ZFHX4: variants seen among roughly 807,000 people sequenced by gnomAD.
ZFHX4 encodes zinc finger homeobox protein 4.
Under a neutral mutation model 267.6 loss-of-function variants are expected in ZFHX4, and 56 were observed. That is an observed-to-expected ratio of 0.21 (90% CI 0.17 to 0.26). ZFHX4 has a LOEUF of 0.26. Ranked by LOEUF, ZFHX4 falls within the 10% of genes least tolerant of loss-of-function variation. The pLI, the probability that ZFHX4 is intolerant of heterozygous loss-of-function variation, is 1.00. For missense variants in ZFHX4, 4,332 were observed against 4,420.0 expected (o/e 0.98, Z 0.56); for synonymous variants, 1,778 against 1,665.6 (o/e 1.07, Z -1.64).
intron 4 of ZFHX4, among the ~76,000 whole-genome samples, chr8:76,815,481 C>T (rs1811481555): frequency 6.6e-6 from 1 of 151,980 alleles, no homozygotes; most frequent in African/African-American, 2.4e-5. Flanking sequence ...TTAGCTATCA[C>T]TCTGCATTTT....
intron 1 of ZFHX4, among the ~76,000 whole-genome samples, chr8:76,698,921 G>T (rs1808029140): frequency 6.6e-6 from 1 of 152,104 alleles, no homozygotes; most frequent in African/African-American, 2.4e-5. Context: ...ATTCCTTCTT[G>T]CAGAAGCATT....
At position 76,719,149 on chromosome 8, in the gene ZFHX4, CATGTGT is replaced by C. The variant is rs1262936612; in HGVS notation, c.3093+11102_3093+11107del. 1.1e-4 allele frequency among the ~76,000 whole-genome samples: 12 copies of C among 112,184 alleles called. 1 individual carries two copies. The South Asian group carries it at 2.3e-3, about 22-fold the overall frequency. 73.6% of individuals were successfully genotyped at this position (112,184 alleles called of 152,430 possible). On this transcript the variant is annotated intron_variant, in intron 3 of 10. Coordinates refer to ENST00000651372, the MANE Select transcript of ZFHX4 (RefSeq NM_024721.5). ...GTCCAAACTTCCTTGGGATGAATTG[CATGTGT>C]GTGTGTGTGTGTGTGTGTGTGTGTG... is the stretch of plus-strand genomic sequence containing the variant.
chr8:76,743,622 G>T (rs1809379445), intron 3 of ZFHX4, among the ~76,000 whole-genome samples: 1 of 152,154 alleles, frequency 6.6e-6, no homozygotes, highest in Non-Finnish European at 1.5e-5. Flanking sequence ...TAACTGTTTA[G>T]CTAGAACATT....
At chr8:76,815,752 T>C (rs1811489261) in intron 4 of ZFHX4, among the ~76,000 whole-genome samples, 1 of 152,160 alleles carries the variant, frequency 6.6e-6, no homozygotes, top group Non-Finnish European at 1.5e-5. Flanking sequence ...TCTCCCGCCT[T>C]GGTCTCCCAA....
At position 76,849,624 on chromosome 8, in the gene ZFHX4, A is replaced by T; in HGVS notation, c.3758A>T (p.Asp1253Val). Reference protein sequence around the residue: ...QPVICCPLCQDVLSNKMHLQL... With the variant: ...QPVICCPLCQVVLSNKMHLQL... ...GTCATCTGCTGTCCTCTCTGTCAGG[A>T]CGTCCTCAGCAACAAAATGCATCTC... The change falls in exon 8 of 11, where the codon GAC becomes GTC. Residue 1253 changes from aspartate to valine, a missense_variant. Asp to Val is a radical substitution (Grantham distance 152). Around this residue, in one of 7 missense-constraint regions of ZFHX4, gnomAD observed 1,371 missense variants for 1,423.1 expected, o/e 0.96. Coordinates refer to ENST00000651372, the MANE Select transcript of ZFHX4 (RefSeq NM_024721.5). The T allele has an allele frequency of 6.2e-7, 1 of 1,613,948 alleles. No homozygotes were observed. The highest frequency in any genetic ancestry group is 8.5e-7 in the Non-Finnish European group (1 of 1,179,862).
At chr8:76,683,635 A>AGAGAGAGGGGGGGAGAGAGG (rs1178985887) in intron 1 of ZFHX4, 1 of 138,288 alleles carries the variant, frequency 7.2e-6, no homozygotes, top group Non-Finnish European at 1.5e-5. Flanking sequence ...AGAGAGGAAG[A>AGAGAGAGGGGGGGAGAGAGG]GAGAGAGGGG....
chr8:76,842,072 T>G (rs888015525), intron 5 of ZFHX4, among the ~76,000 whole-genome samples: 1 of 152,048 alleles, frequency 6.6e-6, no homozygotes, highest in Non-Finnish European at 1.5e-5. Flanking sequence ...GTCATAGAAG[T>G]ATACCTTGTT....
At chr8:76,745,142 A>C (rs1480143738) in intron 3 of ZFHX4, among the ~76,000 whole-genome samples, 1 of 152,132 alleles carries the variant, frequency 6.6e-6, no homozygotes, top group Non-Finnish European at 1.5e-5. Context: ...CGGTTTAAAA[A>C]TCAGCTCTGC....
At chr8:76,781,773 G>T (rs1181689620) in intron 4 of ZFHX4, among the ~76,000 whole-genome samples, 1 of 152,034 alleles carries the variant, frequency 6.6e-6, no homozygotes, top group Admixed American at 6.6e-5. Context: ...CATCTGTTAA[G>T]TAAAGAGAGA....
At chr8:76,692,025 C>G (rs1807838633) in intron 1 of ZFHX4, among the ~76,000 whole-genome samples, 1 of 152,088 alleles carries the variant, frequency 6.6e-6, no homozygotes, top group South Asian at 2.1e-4. Flanking sequence ...TGACAGGTAC[C>G]TAAATGGCAT....
intron 3 of ZFHX4, among the ~76,000 whole-genome samples, chr8:76,740,726 T>G (rs1207625742): frequency 6.6e-6 from 1 of 152,112 alleles, no homozygotes; most frequent in Non-Finnish European, 1.5e-5. Flanking sequence ...TTTAAACACA[T>G]GACAACTGAG....
In ZFHX4 at chr8:76,864,379, C is replaced by T; in HGVS notation, c.10665C>T (p.Thr3555=). 6.2e-7 allele frequency: 1 copy of T among 1,613,818 alleles called. No individual in the cohort carries two copies. Among genetic ancestry groups the T allele is most frequent in the Non-Finnish European group, 8.5e-7 (1 of 1,179,872 alleles). The change falls in exon 11 of 11, where the codon ACC becomes ACT. Residue 3555 remains threonine, a synonymous_variant. Coordinates refer to ENST00000651372, the MANE Select transcript of ZFHX4 (RefSeq NM_024721.5). The part of the protein sequence containing the change: ...PPSLSLPSTV[T]SSLCSTSGVQ... ...CCCTTTCCTTGCCTTCAACGGTTAC[C>T]TCAAGTTTGTGCAGCACCTCAGGGG...
chr8:76,687,521 C>T (rs1643844683), intron 1 of ZFHX4, among the ~76,000 whole-genome samples: 1 of 152,198 alleles, frequency 6.6e-6, no homozygotes, highest in African/African-American at 2.4e-5. Context: ...GAGTGAGTCT[C>T]ATTCTTTTTG....
At chr8:76,714,903 G>A (rs1019590352) in intron 3 of ZFHX4, among the ~76,000 whole-genome samples, 3 of 152,140 alleles carry the variant, frequency 2.0e-5, no homozygotes, top group African/African-American at 4.8e-5. Flanking sequence ...TAAATCTATG[G>A]ACGTAGTCAT....
At chr8:76,727,313 A>G (rs1808879683) in intron 3 of ZFHX4, among the ~76,000 whole-genome samples, 1 of 152,158 alleles carries the variant, frequency 6.6e-6, no homozygotes, top group Non-Finnish European at 1.5e-5. Flanking sequence ...AACACTCATA[A>G]TATTTTCACA....
At chr8:76,772,975 A>G (rs548813014) in intron 3 of ZFHX4, among the ~76,000 whole-genome samples, 6 of 152,244 alleles carry the variant, frequency 3.9e-5, no homozygotes, top group African/African-American at 4.8e-5. Flanking sequence ...CTATTTCACT[A>G]CAGGAAAAAC....
intron 3 of ZFHX4, among the ~76,000 whole-genome samples, chr8:76,776,731 G>A (rs1810409863): frequency 6.6e-6 from 1 of 152,118 alleles, no homozygotes; most frequent in Non-Finnish European, 1.5e-5. Flanking sequence ...GATCAGAAAC[G>A]TAACCTTTTA....
rs76271776 is a variant in ZFHX4, at chr8:76,793,881, C to T, written c.3325+15442C>T. Among the ~76,000 whole-genome samples, 91 of 152,098 alleles carry T rather than the reference C, an allele frequency of 6.0e-4. 1 individual carries two copies. Among genetic ancestry groups the T allele is most frequent in the South Asian group, 3.5e-3 (17 of 4,824 alleles). On this transcript the variant is annotated intron_variant, in intron 4 of 10. Coordinates refer to ENST00000651372, the MANE Select transcript of ZFHX4 (RefSeq NM_024721.5). Reference sequence around the variant, plus strand: ...AGTAGACAAATATAGGTGATTCTTACGAGTACGTAAGACTGGTTTGAGTAG... The same window carrying T: ...AGTAGACAAATATAGGTGATTCTTATGAGTACGTAAGACTGGTTTGAGTAG...
chr8:76,791,622 G>T (rs1810838884), intron 4 of ZFHX4, among the ~76,000 whole-genome samples: 1 of 152,096 alleles, frequency 6.6e-6, no homozygotes, highest in Admixed American at 6.6e-5. Context: ...AGGTGGCAGA[G>T]TAAGGAAGAA....
Sources: gnomAD v4.1 joint callset for allele counts (sites outside exome capture counted in the v4.1 genomes callset) on GRCh38, gnomAD v4.1.1 for gene constraint, gnomAD v4.1.1 regional missense constraint, MANE v1.5 for transcripts, NCBI Gene and HGNC (gene_info 2026-07-23, HGNC 2026-07-21) for gene names.